The following CDH13 variants were observed in gnomAD, a reference collection of about 807,000 sequenced individuals.
The protein encoded by CDH13 is cadherin 13.
Under a neutral mutation model 63.8 loss-of-function variants are expected in CDH13, and 24 were observed. That is an observed-to-expected ratio of 0.38 (90% CI 0.27 to 0.53). CDH13 has a LOEUF of 0.53. Ranked by LOEUF, CDH13 falls within the 20% of genes least tolerant of loss-of-function variation. The probability of loss-of-function intolerance (pLI) is 0.85; values close to 1 mark genes in which losing one functional copy is unlikely to be tolerated. For missense variants in CDH13, 1,049 were observed against 903.1 expected, an observed-to-expected ratio of 1.16 and a Z score of -2.07; for synonymous variants, 503 against 355.3, an observed-to-expected ratio of 1.42 and a Z score of -4.67.
At position 82,884,682 on chromosome 16, in the gene CDH13, T is replaced by G. The variant is rs553865509; in HGVS notation, c.157+26209T>G. ...TGCCCCAATTCATCTGTTATGCAAT[T>G]GAACTGGAAACAGCTCAGACTTAAA... On this transcript the variant is annotated intron_variant, in intron 2 of 13. Transcript: ENST00000567109. 3.3e-5 allele frequency among the ~76,000 whole-genome samples: 5 copies of G among 152,350 alleles called. No homozygotes were observed. In the South Asian group the frequency reaches 8.3e-4, roughly 25 times the overall value.
chr16:83,293,233 C>T (rs551760897), intron 5 of CDH13, among the ~76,000 whole-genome samples: 1 of 152,310 alleles, frequency 6.6e-6, no homozygotes, highest in East Asian at 1.9e-4. Flanking sequence ...AGAGACTGGT[C>T]TGGCAGTAAA....
chr16:83,123,923 T>C (rs1398886999), intron 3 of CDH13, among the ~76,000 whole-genome samples: 2 of 152,212 alleles, frequency 1.3e-5, no homozygotes, highest in Non-Finnish European at 2.9e-5. Context: ...TGATATCGCA[T>C]TGTCGTTTCA....
intron 8 of CDH13, among the ~76,000 whole-genome samples, chr16:83,661,910 C>A (rs1009732862): frequency 2.0e-5 from 3 of 152,182 alleles, no homozygotes; most frequent in African/African-American, 7.2e-5. Flanking sequence ...TTGGTTCATT[C>A]CCCAGCACCT....
intron 4 of CDH13, among the ~76,000 whole-genome samples, chr16:83,183,587 T>A (rs1418371218): frequency 6.6e-6 from 1 of 152,230 alleles, no homozygotes; most frequent in African/African-American, 2.4e-5. Flanking sequence ...TCATTCAGAA[T>A]CTTAATATGG....
chr16:83,253,067 C>A (rs1471102143), intron 5 of CDH13, among the ~76,000 whole-genome samples: 1 of 152,182 alleles, frequency 6.6e-6, no homozygotes, highest in Non-Finnish European at 1.5e-5. Context: ...AGTAAGTACT[C>A]AATAAATAGT....
intron 6 of CDH13, among the ~76,000 whole-genome samples, chr16:83,448,929 A>C (rs2072795227): frequency 6.6e-6 from 1 of 152,218 alleles, no homozygotes; most frequent in Non-Finnish European, 1.5e-5. Context: ...TGAGGAATAC[A>C]GGATTCTTCG....
Position 82,923,906 on chromosome 16 carries a change from C to G in CDH13, c.157+65433C>G, listed in dbSNP as rs375663634. The stretch of plus-strand genomic sequence containing the variant: ...TGGTTCTGCATTTTCCCAGCCCTTC[C>G]TCTCTGCAAATGATCACAGAATTAC... On this transcript the variant is annotated intron_variant, in intron 2 of 13. Coordinates refer to ENST00000567109, the MANE Select transcript of CDH13 (RefSeq NM_001257.5). Among the ~76,000 whole-genome samples the G allele has an allele frequency of 2.2e-3, 335 of 152,240 alleles. 1 individual carries two copies. Among genetic ancestry groups the G allele is most frequent in the African/African-American group, 7.8e-3 (322 of 41,536 alleles).
chr16:82,672,935 C>G (rs1396405066), intron 1 of CDH13, among the ~76,000 whole-genome samples: 4 of 151,392 alleles, frequency 2.6e-5, no homozygotes, highest in Non-Finnish European at 5.9e-5. Flanking sequence ...CTGCCTCAGC[C>G]TCCTGAGCAG....
intron 7 of CDH13, among the ~76,000 whole-genome samples, chr16:83,498,953 A>G (rs2151582250): frequency 6.6e-6 from 1 of 152,306 alleles, no homozygotes; most frequent in East Asian, 1.9e-4. Context: ...CTTGGGGGGA[A>G]ATGCAAATCA....
At chr16:83,514,824 C>T (rs754063922) in intron 7 of CDH13, among the ~76,000 whole-genome samples, 5 of 152,164 alleles carry the variant, frequency 3.3e-5, no homozygotes, top group African/African-American at 9.7e-5. Context: ...TCCCTCAGAA[C>T]TTCCAGAAGG....
In CDH13 at chr16:82,644,922, C is replaced by G. The variant is rs992058232; in HGVS notation, c.45+17785C>G. Among the ~76,000 whole-genome samples the G allele has an allele frequency of 1.3e-5, 2 of 152,120 alleles. No homozygotes were observed. On this transcript the variant is annotated intron_variant, in intron 1 of 13. Transcript: ENST00000567109. The surrounding 1 kb of genome is among the most constrained non-coding windows in gnomAD (Gnocchi z 5.7). Reference sequence around the variant, plus strand: ...TCTGGGGAAAAAAAATTAGGGGAATCAAAAAATTACTTGTATAAACTAATA... The same window carrying G: ...TCTGGGGAAAAAAAATTAGGGGAATGAAAAAATTACTTGTATAAACTAATA...
At chr16:83,458,864 G>T (rs1242296966) in intron 6 of CDH13, among the ~76,000 whole-genome samples, 1 of 152,208 alleles carries the variant, frequency 6.6e-6, no homozygotes, top group Non-Finnish European at 1.5e-5. Context: ...CAGTTTCACT[G>T]CAGCATTGCA....
chr16:83,453,508 A>G (rs2072938151), intron 6 of CDH13, among the ~76,000 whole-genome samples: 1 of 152,232 alleles, frequency 6.6e-6, no homozygotes, highest in Non-Finnish European at 1.5e-5. Context: ...GACATGTTAT[A>G]AGCACTTAAT....
intron 5 of CDH13, among the ~76,000 whole-genome samples, chr16:83,245,785 C>G (rs1383201040): frequency 6.6e-6 from 1 of 152,036 alleles, no homozygotes; most frequent in Non-Finnish European, 1.5e-5. Context: ...CCCTGTCTCC[C>G]AGGCTGGAGT....
intron 6 of CDH13, among the ~76,000 whole-genome samples, chr16:83,367,135 A>G (rs2151392084): frequency 6.6e-6 from 1 of 152,272 alleles, no homozygotes; most frequent in Non-Finnish European, 1.5e-5. Context: ...ATTTCCTCGA[A>G]AACTCTTTGG....
At chr16:82,814,074 A>C (rs1202596686) in intron 1 of CDH13, among the ~76,000 whole-genome samples, 1 of 152,146 alleles carries the variant, frequency 6.6e-6, no homozygotes, top group Non-Finnish European at 1.5e-5. Flanking sequence ...TTATAGTTTG[A>C]GAGTGGATAT....
intron 5 of CDH13, among the ~76,000 whole-genome samples, chr16:83,232,553 CAAAA>C (rs869051890): frequency 3.7e-4 from 38 of 102,502 alleles, no homozygotes; most frequent in Non-Finnish European, 5.5e-4. Context: ...AACAAACAAA[CAAAA>C]AAAAAAAAAA....
At chr16:83,563,931 C>T (rs1163027421) in intron 7 of CDH13, among the ~76,000 whole-genome samples, 1 of 152,158 alleles carries the variant, frequency 6.6e-6, no homozygotes, top group East Asian at 1.9e-4. Context: ...CTGAGAGATC[C>T]AGATCTGAAT....
chr16:83,539,532 C>T (rs2075260476), intron 7 of CDH13, among the ~76,000 whole-genome samples: 1 of 152,052 alleles, frequency 6.6e-6, no homozygotes, highest in Admixed American at 6.6e-5. Flanking sequence ...AAAAGGAAAA[C>T]CGAAACATTG....
Sources: allele counts gnomAD v4.1 joint callset (sites outside exome capture counted in the v4.1 genomes callset), GRCh38; gene constraint gnomAD v4.1.1; non-coding constraint Gnocchi (gnomAD v3.1); transcripts MANE v1.5; gene names NCBI Gene and HGNC (gene_info 2026-07-23, HGNC 2026-07-21).